The following PLCB4 variants were observed in gnomAD, a reference collection of about 807,000 sequenced individuals.
PLCB4 encodes phospholipase C beta 4, also known as 1-phosphatidylinositol 4,5-bisphosphate phosphodiesterase beta-4.
PLCB4 carries 77 observed loss-of-function variants against 178.8 expected under a neutral mutation model. The observed-to-expected ratio is 0.43, with a 90% CI of 0.36 to 0.52. PLCB4 has a LOEUF of 0.52. PLCB4 is among the 20% of genes least tolerant of loss of function. The pLI is 0.00. For missense variants in PLCB4, 1,024 were observed against 1,453.4 expected (o/e 0.70, Z 4.80); for synonymous variants, 496 against 490.8 (o/e 1.01, Z -0.14).
chr20:9,351,145 T>C (rs1250759811), intron 7 of PLCB4, among the ~76,000 whole-genome samples: 2 of 152,074 alleles, frequency 1.3e-5, no homozygotes, highest in African/African-American at 4.8e-5. Context: ...TATTTCTTTT[T>C]TTTTTTTTTG....
intron 4 of PLCB4, among the ~76,000 whole-genome samples, chr20:9,331,772 A>G (rs924182367): frequency 6.6e-6 from 1 of 152,216 alleles, no homozygotes; most frequent in African/African-American, 2.4e-5. Flanking sequence ...ACACAAGTGA[A>G]AAACATACTC....
At chr20:9,286,980 T>G in intron 3 of PLCB4, among the ~76,000 whole-genome samples, 1 of 152,064 alleles carries the variant, frequency 6.6e-6, no homozygotes, top group South Asian at 2.1e-4. Flanking sequence ...TTATGAGTGA[T>G]GTTTTGAGAT....
intron 2 of PLCB4, among the ~76,000 whole-genome samples, chr20:9,177,028 G>T: frequency 6.6e-6 from 1 of 152,082 alleles, no homozygotes; most frequent in East Asian, 1.9e-4. Context: ...GACTGGTGGC[G>T]AAGAAAGAAA....
intron 2 of PLCB4, among the ~76,000 whole-genome samples, chr20:9,158,870 A>T (rs1009274937): frequency 6.6e-6 from 1 of 152,128 alleles, no homozygotes; most frequent in Non-Finnish European, 1.5e-5. Flanking sequence ...CTACTAGGAG[A>T]GTCTGTCTTA....
intron 25 of PLCB4, among the ~76,000 whole-genome samples, chr20:9,414,830 T>G (rs1235072500): frequency 6.6e-6 from 1 of 152,182 alleles, no homozygotes; most frequent in Non-Finnish European, 1.5e-5. Flanking sequence ...ACCTAAAATC[T>G]TTTTAGACTT....
Position 9,270,560 on chromosome 20 carries a change from A to T in PLCB4, c.-15-37240A>T, listed in dbSNP as rs1215306885. ...TGTGTGTATGTACCATTCATGACTT[A>T]CATTTTGAAAGAATCACATATTTCC... On this transcript the variant is annotated intron_variant, in intron 3 of 39. Transcript: ENST00000378473. Among the ~76,000 whole-genome samples, 19 of 152,262 alleles carry T rather than the reference A, an allele frequency of 1.2e-4. No homozygotes were observed. The East Asian group carries it at 3.7e-3, about 29-fold the overall frequency.
At chr20:9,408,964 T>G in intron 23 of PLCB4, 93 bp from the exon 24 acceptor site, 1 of 1,119,554 alleles carries the variant, frequency 8.9e-7, no homozygotes, top group Non-Finnish European at 1.3e-6. Flanking sequence ...TTGTTTGTCA[T>G]TGTTGGCCTA....
At chr20:9,449,567 G>A (rs760306291) in intron 32 of PLCB4, among the ~76,000 whole-genome samples, 1 of 152,108 alleles carries the variant, frequency 6.6e-6, no homozygotes, top group Non-Finnish European at 1.5e-5. Flanking sequence ...TACTATCGGC[G>A]TCTAATTCAA....
intron 10 of PLCB4, 140 bp from the exon 11 acceptor site, chr20:9,372,163 C>T (rs2036303688): frequency 1.7e-6 from 1 of 579,206 alleles, no homozygotes; most frequent in South Asian, 2.4e-5. Context: ...GGAAGTTGGC[C>T]TCCTGGCTTC....
At chr20:9,252,486 C>A (rs532367373) in intron 3 of PLCB4, among the ~76,000 whole-genome samples, 22 of 152,312 alleles carry the variant, frequency 1.4e-4, no homozygotes, top group Middle Eastern at 6.8e-3. Context: ...CTGTTGCCTG[C>A]ACCCTATCCC....
chr20:9,414,580 T>A (rs1287910169), intron 25 of PLCB4, among the ~76,000 whole-genome samples: 5 of 152,186 alleles, frequency 3.3e-5, no homozygotes, highest in Admixed American at 1.3e-4. Context: ...ATATAGAACA[T>A]CAGTGTGCAA....
intron 17 of PLCB4, 100 bp downstream of exon 17, chr20:9,390,715 C>T: frequency 1.7e-6 from 1 of 576,514 alleles, no homozygotes; most frequent in East Asian, 2.9e-5. Context: ...TAAAGATCTT[C>T]ATATTTATTT....
chr20:9,177,761 A>G (rs1159494560), intron 2 of PLCB4, among the ~76,000 whole-genome samples: 1 of 152,226 alleles, frequency 6.6e-6, no homozygotes, highest in South Asian at 2.1e-4. Context: ...AATGGAATAC[A>G]TGCAAGGGCT....
intron 33 of PLCB4, among the ~76,000 whole-genome samples, chr20:9,454,637 C>T (rs2042953766): frequency 6.6e-6 from 1 of 152,138 alleles, no homozygotes; most frequent in African/African-American, 2.4e-5. Context: ...ACTCTGAAAA[C>T]AGAACAGATT....
At chr20:9,158,695 G>T (rs2092833029) in intron 2 of PLCB4, among the ~76,000 whole-genome samples, 1 of 151,932 alleles carries the variant, frequency 6.6e-6, no homozygotes, top group African/African-American at 2.4e-5. Flanking sequence ...ACTAAACAGT[G>T]AAAACCATTT....
At chr20:9,200,491 T>G (rs1259660119) in intron 2 of PLCB4, among the ~76,000 whole-genome samples, 2 of 152,210 alleles carry the variant, frequency 1.3e-5, no homozygotes, top group Admixed American at 1.3e-4. Context: ...AAGTGTTCCT[T>G]TAAAACTTAG....
chr20:9,394,201 C>G (rs2038385667), intron 18 of PLCB4, among the ~76,000 whole-genome samples: 1 of 152,042 alleles, frequency 6.6e-6, no homozygotes, highest in Non-Finnish European at 1.5e-5. Context: ...TATCCTAGTT[C>G]AGTGAATTAA....
intron 28 of PLCB4, among the ~76,000 whole-genome samples, chr20:9,429,319 A>T (rs1354116409): frequency 6.6e-6 from 1 of 152,162 alleles, no homozygotes; most frequent in African/African-American, 2.4e-5. Context: ...CTCACCTGCC[A>T]GTGGATGCCG....
chr20:9,179,978 A>C (rs1207914550), intron 2 of PLCB4, among the ~76,000 whole-genome samples: 2 of 152,230 alleles, frequency 1.3e-5, no homozygotes, highest in African/African-American at 4.8e-5. Context: ...TACAAGAATT[A>C]TTGGTAAAAA....
Sources: allele counts gnomAD v4.1 joint callset (sites outside exome capture counted in the v4.1 genomes callset), GRCh38; gene constraint gnomAD v4.1.1; transcripts MANE v1.5; gene names NCBI Gene and HGNC (gene_info 2026-07-23, HGNC 2026-07-21).